The following LRP1B variants were observed in gnomAD, a reference collection of about 807,000 sequenced individuals.
LRP1B encodes LDL receptor related protein 1B.
In LRP1B, 217 loss-of-function variants were observed where a neutral mutation model predicts 556.6. The observed-to-expected ratio is 0.39, with a 90% CI of 0.35 to 0.44. The LOEUF (loss-of-function observed/expected upper bound fraction) is 0.44. Among genes scored for constraint, LRP1B ranks in the 20% least tolerant of loss-of-function variants. LRP1B has a pLI of 1.00. For missense variants in LRP1B, 5,053 were observed against 5,620.8 expected (o/e 0.90, Z 3.23); for synonymous variants, 2,047 against 1,865.8 (o/e 1.10, Z -2.50).
At chr2:141,365,655 C>CTTTTTTTTTTTTTTTTTTGT (rs781538829) in intron 3 of LRP1B, among the ~76,000 whole-genome samples, 1 of 121,150 alleles carries the variant, frequency 8.3e-6, no homozygotes, top group African/African-American at 3.2e-5. Flanking sequence ...GTTTTTGTTG[C>CTTTTTTTTTTTTTTTTTTGT]TTTTTTTTTT....
At chr2:140,662,813 C>G (rs748733281) in intron 41 of LRP1B, among the ~76,000 whole-genome samples, 1 of 152,022 alleles carries the variant, frequency 6.6e-6, no homozygotes, top group Non-Finnish European at 1.5e-5. Flanking sequence ...TTCCTTCTGA[C>G]AGAAATTTAA....
chr2:140,268,053 G>A (rs1296806695), intron 86 of LRP1B, among the ~76,000 whole-genome samples: 1 of 151,878 alleles, frequency 6.6e-6, no homozygotes, highest in East Asian at 1.9e-4. Context: ...GGGTGGGAAA[G>A]GTGGGCCTGA....
intron 55 of LRP1B, among the ~76,000 whole-genome samples, chr2:140,497,158 A>AT (rs1306022247): frequency 1.3e-5 from 2 of 152,006 alleles, no homozygotes; most frequent in Non-Finnish European, 2.9e-5. Flanking sequence ...TTTACAAGAA[A>AT]TGAAACCCTT....
intron 29 of LRP1B, among the ~76,000 whole-genome samples, chr2:140,842,683 TCA>T (rs1692147202): frequency 6.6e-6 from 1 of 152,132 alleles, no homozygotes; most frequent in African/African-American, 2.4e-5. Flanking sequence ...TTTATTTCCC[TCA>T]CTCAGAATCT....
At position 140,284,011 on chromosome 2, in the gene LRP1B, A is replaced by T. The variant is rs550056624; in HGVS notation, c.12968-9413T>A. On this transcript the variant is annotated intron_variant, in intron 84 of 90. Coordinates refer to ENST00000389484, the MANE Select transcript of LRP1B (RefSeq NM_018557.3). Reference sequence around the variant, plus strand: ...AGTGAATAAGCATATGAAGGCCTGAAAAAAGAATGGAAATGAAGCGTGCAA... The same window carrying T: ...AGTGAATAAGCATATGAAGGCCTGATAAAAGAATGGAAATGAAGCGTGCAA... Among the ~76,000 whole-genome samples the T allele has an allele frequency of 7.2e-5, 11 of 151,804 alleles. No individual in the cohort carries two copies. The East Asian group carries it at 2.1e-3, about 30-fold the overall frequency.
In LRP1B at chr2:141,005,367, T is replaced by A; in HGVS notation, c.2471A>T (p.Gln824Leu). The change falls in exon 15 of 91, where the codon CAA (glutamine) becomes CTA (leucine). Residue 824 changes from glutamine (Q) to leucine (L), a missense_variant. Around this residue, in one of 5 missense-constraint regions of LRP1B, gnomAD observed 3,619 missense variants for 3,931.9 expected, o/e 0.92. Transcript: ENST00000389484. ...AGTTGTCCCATTTTCATCCAAAAGT[T>A]GATTATCGGCACAAGCACACACCCG... ...GGRVCACADN[Q>L]LLDENGTTCT... 1 of 1,610,264 alleles carries A rather than the reference T, an allele frequency of 6.2e-7. No homozygotes were observed. The highest frequency in any genetic ancestry group is 8.5e-7 in the Non-Finnish European group (1 of 1,177,546).
At chr2:140,480,477 G>C (rs1313157561) in intron 59 of LRP1B, among the ~76,000 whole-genome samples, 2 of 150,190 alleles carry the variant, frequency 1.3e-5, no homozygotes, top group African/African-American at 4.9e-5. Flanking sequence ...TTTTCACTCT[G>C]TTGCCCAGGC....
At chr2:142,027,480 A>C (rs77373740) in intron 1 of LRP1B, among the ~76,000 whole-genome samples, 2 of 151,862 alleles carry the variant, frequency 1.3e-5, no homozygotes, top group Non-Finnish European at 2.9e-5. Flanking sequence ...ACCTTTCTCT[A>C]TCAAGAGAAT....
chr2:140,995,665 G>A (rs898829798), intron 15 of LRP1B, among the ~76,000 whole-genome samples: 17 of 152,092 alleles, frequency 1.1e-4, no homozygotes, highest in Middle Eastern at 3.4e-3. Context: ...ACACAGCTTT[G>A]ATGGCTATAA....
At chr2:140,664,221 G>A (rs1478387965) in intron 41 of LRP1B, among the ~76,000 whole-genome samples, 1 of 152,092 alleles carries the variant, frequency 6.6e-6, no homozygotes, top group African/African-American at 2.4e-5. Flanking sequence ...ATGTAACAAA[G>A]GTACATAAAG....
intron 3 of LRP1B, among the ~76,000 whole-genome samples, chr2:141,421,802 CTCTT>C (rs1337313777): frequency 4.6e-5 from 7 of 152,168 alleles, no homozygotes; most frequent in Non-Finnish European, 1.0e-4. Flanking sequence ...CCCAGGCAGA[CTCTT>C]TCTCTATCTC....
At chr2:140,597,133 C>T (rs541071114) in intron 43 of LRP1B, among the ~76,000 whole-genome samples, 1 of 152,108 alleles carries the variant, frequency 6.6e-6, no homozygotes. Flanking sequence ...AATCTAGATG[C>T]ATGTAAGAAT....
In LRP1B at chr2:140,659,257, T is replaced by C. The variant is rs142597840; in HGVS notation, c.6799+40993A>G. ...ATCCCACTTTACTGAACTAGAAACATGTCATCTAATAGATACTTTATGAGT... is the reference window on the plus strand; with the variant it reads ...ATCCCACTTTACTGAACTAGAAACACGTCATCTAATAGATACTTTATGAGT... On this transcript the variant is annotated intron_variant, in intron 41 of 90. Coordinates refer to ENST00000389484, the MANE Select transcript of LRP1B (RefSeq NM_018557.3). 2.6e-3 allele frequency among the ~76,000 whole-genome samples: 389 copies of C among 152,002 alleles called. 10 individuals carry two copies. The highest frequency in any genetic ancestry group is 0.019 in the Admixed American group (297 of 15,234).
intron 7 of LRP1B, among the ~76,000 whole-genome samples, chr2:141,074,589 C>G (rs201528225): frequency 1.5e-5 from 2 of 136,476 alleles, no homozygotes; most frequent in African/African-American, 5.4e-5. Context: ...CTCTCTCTCT[C>G]TATATATATA....
chr2:141,992,189 G>A (rs1702365192), intron 1 of LRP1B, among the ~76,000 whole-genome samples: 2 of 151,960 alleles, frequency 1.3e-5, no homozygotes, highest in Non-Finnish European at 2.9e-5. Context: ...AATCACAGTT[G>A]GTTGATTCCA....
intron 1 of LRP1B, among the ~76,000 whole-genome samples, chr2:142,104,872 T>C (rs1490472325): frequency 6.6e-6 from 1 of 152,196 alleles, no homozygotes; most frequent in Admixed American, 6.6e-5. Context: ...AGCTCTCCAA[T>C]CAATTTTCTT....
At chr2:141,632,812 T>C (rs1464579137) in intron 2 of LRP1B, among the ~76,000 whole-genome samples, 4 of 148,238 alleles carry the variant, frequency 2.7e-5, no homozygotes, top group Non-Finnish European at 4.4e-5. Flanking sequence ...GTCTGAATCA[T>C]GAAATATTTA....
chr2:142,001,224 G>A (rs1419172633), intron 1 of LRP1B, among the ~76,000 whole-genome samples: 4 of 152,104 alleles, frequency 2.6e-5, no homozygotes, highest in Non-Finnish European at 5.9e-5. Flanking sequence ...GCATGAGAAT[G>A]GACTAATACA....
At chr2:142,084,428 C>T (rs901140419) in intron 1 of LRP1B, among the ~76,000 whole-genome samples, 5 of 151,710 alleles carry the variant, frequency 3.3e-5, no homozygotes, top group Non-Finnish European at 5.9e-5. Context: ...CTCTTAATCA[C>T]GCTCTTCAAG....
Sources: gnomAD v4.1 joint callset for allele counts (sites outside exome capture counted in the v4.1 genomes callset) on GRCh38, gnomAD v4.1.1 for gene constraint, gnomAD v4.1.1 regional missense constraint, MANE v1.5 for transcripts, NCBI Gene and HGNC (gene_info 2026-07-23, HGNC 2026-07-21) for gene names.